Variants in PAK4 observed in about 807,000 individuals in gnomAD.
The protein encoded by PAK4 is p21 (RAC1) activated kinase 4, also known as serine/threonine-protein kinase PAK 4.
A neutral mutation model predicts 53.5 loss-of-function variants in PAK4; 49 were observed. The observed-to-expected ratio is 0.92, with a 90% confidence interval of 0.73 to 1.16. PAK4 has a LOEUF of 1.16. PAK4 is among the 50% of genes most tolerant of loss of function. The pLI is 0.00. For missense variants in PAK4, 824 were observed against 850.7 expected (o/e 0.97, Z 0.39); for synonymous variants, 376 against 375.6 (o/e 1.00, Z -0.01).
In PAK4 at chr19:39,175,472, A is replaced by C. The variant is rs10417035; in HGVS notation, c.1359+34A>C. 5 of 1,576,512 alleles carry C rather than the reference A, an allele frequency of 3.2e-6. No homozygotes were observed. The highest frequency in any genetic ancestry group is 4.3e-6 in the Non-Finnish European group (5 of 1,159,604). On this transcript the variant is annotated intron_variant, in intron 6 of 8. Transcript: ENST00000358301. This position sits in a 1 kb window ranked among gnomAD's most constrained non-coding sequence, Gnocchi z 4.7. The stretch of plus-strand genomic sequence containing the variant: ...ACGGGCGGCGGGGTACGGGGGCGGC[A>C]GGTTTCCGGCTGCGGGGCTTCCCTG...
intron 1 of PAK4, among the ~76,000 whole-genome samples, chr19:39,133,977 C>T (rs962219333): frequency 1.3e-5 from 2 of 152,100 alleles, no homozygotes; most frequent in Non-Finnish European, 2.9e-5. Flanking sequence ...GCCACTGGCC[C>T]CTCCACAGAC....
At chr19:39,154,102 G>T (rs556676266) in intron 1 of PAK4, among the ~76,000 whole-genome samples, 3 of 152,014 alleles carry the variant, frequency 2.0e-5, no homozygotes, top group African/African-American at 7.3e-5. Flanking sequence ...TATCATGTGC[G>T]GTGCCATGGA....
intron 1 of PAK4, among the ~76,000 whole-genome samples, chr19:39,132,006 T>A (rs945259523): frequency 6.6e-6 from 1 of 152,128 alleles, no homozygotes; most frequent in African/African-American, 2.4e-5. Flanking sequence ...GTGCGTTCGA[T>A]GGTTTCCGTC....
chr19:39,130,849 A>G lies in PAK4; in HGVS notation c.-23+4930A>G, dbSNP rs1461836523. ...TAGTGACATCTGGTTTTCCCCTTAT[A>G]AAGATTGCTCAGGCTGCTGTGTGGG... is the stretch of plus-strand genomic sequence containing the variant. On this transcript the variant is annotated intron_variant, in intron 1 of 8. Transcript: ENST00000358301. 2.0e-5 allele frequency among the ~76,000 whole-genome samples: 3 copies of G among 150,406 alleles called. No homozygotes were observed. In the East Asian group the frequency reaches 6.0e-4, roughly 30 times the overall value.
chr19:39,136,505 C>G (rs564397189), intron 1 of PAK4: 1 of 152,308 alleles, frequency 6.6e-6, no homozygotes, highest in Non-Finnish European at 1.5e-5. Context: ...ACAGTGGCCC[C>G]CTTGGGGAGA....
At chr19:39,168,845 G>C (rs1196964797) in intron 1 of PAK4, 1 of 152,326 alleles carries the variant, frequency 6.6e-6, no homozygotes, top group Non-Finnish European at 1.5e-5. Flanking sequence ...CCAAAGGTGT[G>C]GGCGTCCCCA....
chr19:39,178,646 G>C lies in PAK4; in HGVS notation c.*67G>C. The C allele has an allele frequency of 7.1e-7, 1 of 1,417,930 alleles. No individual in the cohort carries two copies. The highest frequency in any genetic ancestry group is 1.4e-5 in the South Asian group (1 of 73,252). The allele number at this position is 1,417,930 out of a possible 1,614,324, so 87.8% of individuals were successfully genotyped here. On this transcript the variant is annotated 3_prime_UTR_variant, in exon 9 of 9. Coordinates refer to ENST00000358301, the Ensembl canonical transcript of PAK4. The surrounding 1 kb of genome is among the most constrained non-coding windows in gnomAD (Gnocchi z 4.4). ...ACCCCCGCCCCACTGAGGCCAGTAG[G>C]GGGCCAGGCCTCCCACTCCTCCCAG...
chr19:39,159,472 G>A (rs557694899), intron 1 of PAK4, among the ~76,000 whole-genome samples: 4 of 152,196 alleles, frequency 2.6e-5, no homozygotes, highest in East Asian at 3.9e-4. Flanking sequence ...TGCAACCTCC[G>A]CCCCCTGGGT....
chr19:39,161,607 A>G lies in PAK4; in HGVS notation c.-22-7925A>G, dbSNP rs2074285440. Among the ~76,000 whole-genome samples, 1 of 151,684 alleles carries G rather than the reference A, an allele frequency of 6.6e-6. No individual in the cohort carries two copies. The highest frequency in any genetic ancestry group is 2.4e-5 in the African/African-American group (1 of 41,232). On this transcript the variant is annotated intron_variant, in intron 1 of 8. Coordinates refer to ENST00000358301, the Ensembl canonical transcript of PAK4. The surrounding 1 kb of genome is among the most constrained non-coding windows in gnomAD (Gnocchi z 4.5). ...TGTTCCCAGCCAGTGGGAGCCTGTG[A>G]ACTCCTGAGTCAGGCGGTGGCCCTC... is the stretch of plus-strand genomic sequence containing the variant.
intron 1 of PAK4, among the ~76,000 whole-genome samples, chr19:39,156,279 C>T (rs1225377028): frequency 6.6e-6 from 1 of 152,138 alleles, no homozygotes; most frequent in African/African-American, 2.4e-5. Flanking sequence ...AGAGCCCACC[C>T]ACCCCTCTCC....
In PAK4 at chr19:39,175,301, C is replaced by T; in HGVS notation, c.1233-11C>T. Reference sequence around the variant, plus strand: ...TCCAGCTGGCTGCTCACCCCCCACCCCACCCCGCAGGATGAACGAGGAGCA... The same window carrying T: ...TCCAGCTGGCTGCTCACCCCCCACCTCACCCCGCAGGATGAACGAGGAGCA... On this transcript the variant is annotated splice_polypyrimidine_tract_variant and intron_variant, in intron 5 of 8. Transcript: ENST00000358301. This position sits in a 1 kb window ranked among gnomAD's most constrained non-coding sequence, Gnocchi z 4.7. 1 of 1,566,828 alleles carries T rather than the reference C, an allele frequency of 6.4e-7. No individual in the cohort carries two copies. The highest frequency in any genetic ancestry group is 8.7e-7 in the Non-Finnish European group (1 of 1,154,622).
At chr19:39,127,153 A>G (rs1255573850) in intron 1 of PAK4, among the ~76,000 whole-genome samples, 3 of 151,980 alleles carry the variant, frequency 2.0e-5, no homozygotes, top group Non-Finnish European at 2.9e-5. Context: ...CGGGCTTCTG[A>G]CTGGGGAGAG....
At chr19:39,177,914 A>C in intron 8 of PAK4, 105 bp downstream of exon 9, 3 of 1,325,824 alleles carry the variant, frequency 2.3e-6, no homozygotes, top group Non-Finnish European at 3.1e-6. Context: ...GGCGCCTGGG[A>C]TGGCGCTTAC....
intron 1 of PAK4, among the ~76,000 whole-genome samples, chr19:39,149,717 G>A (rs1166287470): frequency 3.3e-5 from 5 of 152,130 alleles, no homozygotes; most frequent in African/African-American, 7.2e-5. Flanking sequence ...TTAGCTGGGC[G>A]TGGTGGTGGG....
chr19:39,146,355 A>G (rs2073999296), intron 1 of PAK4, among the ~76,000 whole-genome samples: 1 of 152,184 alleles, frequency 6.6e-6, no homozygotes, highest in South Asian at 2.1e-4. Flanking sequence ...CTCCTGGAGG[A>G]GGAGACTTCA....
At chr19:39,158,684 G>A (rs2074235046) in intron 1 of PAK4, among the ~76,000 whole-genome samples, 1 of 152,196 alleles carries the variant, frequency 6.6e-6, no homozygotes, top group South Asian at 2.1e-4. Context: ...CCTGGGCCTA[G>A]CTGGGTAAAG....
At chr19:39,147,556 A>C (rs2074020997) in intron 1 of PAK4, among the ~76,000 whole-genome samples, 1 of 152,196 alleles carries the variant, frequency 6.6e-6, no homozygotes, top group South Asian at 2.1e-4. Context: ...TGCATGTTTT[A>C]AGAAAACCAT....
rs2074661160 is a variant in PAK4, at chr19:39,178,687, G to A, written c.*108G>A. On this transcript the variant is annotated 3_prime_UTR_variant, in exon 9 of 9. Transcript: ENST00000358301. The surrounding 1 kb of genome is among the most constrained non-coding windows in gnomAD (Gnocchi z 4.4). Reference sequence around the variant, plus strand: ...CTCCTCCCAGCCCGGGAGATGCTCCGCGTGGCACCACCCTCCTTGCTGGGG... The same window carrying A: ...CTCCTCCCAGCCCGGGAGATGCTCCACGTGGCACCACCCTCCTTGCTGGGG... 8 of 988,630 alleles carry A rather than the reference G, an allele frequency of 8.1e-6. No homozygotes were observed. The highest frequency in any genetic ancestry group is 5.0e-5 in the South Asian group (3 of 59,548). The allele number at this position is 988,630 out of a possible 1,614,324, so 61.2% of individuals were successfully genotyped here.
intron 1 of PAK4, among the ~76,000 whole-genome samples, chr19:39,145,894 A>G (rs1258441047): frequency 6.6e-6 from 1 of 151,134 alleles, no homozygotes; most frequent in Non-Finnish European, 1.5e-5. Context: ...CTCTATATCT[A>G]GCTGACCTGG....
Sources: allele counts gnomAD v4.1 joint callset (sites outside exome capture counted in the v4.1 genomes callset), GRCh38; gene constraint gnomAD v4.1.1; non-coding constraint Gnocchi (gnomAD v3.1); transcripts MANE v1.5; gene names NCBI Gene and HGNC (gene_info 2026-07-23, HGNC 2026-07-21).